MYOCD: variants seen among roughly 807,000 people sequenced by gnomAD.
The protein encoded by MYOCD is myocardin.
In MYOCD, 32 loss-of-function variants were observed where a neutral mutation model predicts 96.1. The ratio of observed to expected loss-of-function variants is 0.33; its 90% CI spans 0.25 to 0.45. The LOEUF (loss-of-function observed/expected upper bound fraction) is 0.45. Ranked by LOEUF, MYOCD falls within the 20% of genes least tolerant of loss-of-function variation. MYOCD has a pLI of 1.00. For synonymous variants in MYOCD, 469 were observed against 469.0 expected, an observed-to-expected ratio of 1.00 and a Z score of 0.00; for missense variants, 1,133 against 1,200.6, an observed-to-expected ratio of 0.94 and a Z score of 0.83.
In MYOCD at chr17:12,705,501, A is replaced by G. The variant is rs1597760260; in HGVS notation, c.121+308A>G. 1.3e-5 allele frequency: 3 copies of G among 231,542 alleles called. No individual in the cohort carries two copies. In the East Asian group the frequency reaches 2.6e-4, roughly 20 times the overall value. 14.3% of individuals were successfully genotyped at this position (231,542 alleles called of 1,614,324 possible). A position where few individuals can be genotyped will look rare whatever the true frequency, so the allele number is the denominator to read the frequency against. On this transcript the variant is annotated intron_variant, in intron 2 of 13. Coordinates refer to ENST00000425538, the MANE Select transcript of MYOCD (RefSeq NM_001146312.3). ...CTACTTTTAAAATTGGATATAATTAATATTCTTTCCAGAAGCATCAATTAC... is the reference window on the plus strand; with the variant it reads ...CTACTTTTAAAATTGGATATAATTAGTATTCTTTCCAGAAGCATCAATTAC...
chr17:12,714,323 G>GCACACACACACACACACA (rs4054959), intron 2 of MYOCD, among the ~76,000 whole-genome samples: 2,212 of 136,072 alleles, frequency 0.016, 39 homozygotes, highest in East Asian at 0.028. Flanking sequence ...TGAGGCACGT[G>GCACACACACACACACACA]CACACACACA....
Position 12,763,908 on chromosome 17 carries a change from T to C in MYOCD, c.*264T>C, listed in dbSNP as rs1235128972. 6.0e-6 allele frequency: 2 copies of C among 334,284 alleles called. No individual in the cohort carries two copies. The highest frequency in any genetic ancestry group is 5.3e-5 in the East Asian group (1 of 18,758). The allele number at this position is 334,284 out of a possible 1,614,324, so 20.7% of individuals were successfully genotyped here. On this transcript the variant is annotated 3_prime_UTR_variant, in exon 14 of 14. Coordinates refer to ENST00000425538, the MANE Select transcript of MYOCD (RefSeq NM_001146312.3). ...CAGATTAAGGATGCCAAAAAAGATA[T>C]TTCACTGCCTTTTCAAAGACCAGTA...
rs2032902505 is a variant in MYOCD, at chr17:12,753,019, C to T, written c.1731C>T (p.Ser577=). 2 of 1,614,188 alleles carry T rather than the reference C, an allele frequency of 1.2e-6. No homozygotes were observed. The highest frequency in any genetic ancestry group is 1.7e-6 in the Non-Finnish European group (2 of 1,180,036). ...AASIKQEEAV[S]SCPFASQVPV... is the part of the protein sequence containing the mutation. The stretch of plus-strand genomic sequence containing the variant: ...CCATCAAGCAGGAAGAGGCTGTCTC[C>T]AGCTGTCCTTTTGCATCCCAAGTAC... Residue 577 remains serine, a synonymous_variant, in exon 10 of 14, where the codon TCC becomes TCT. Transcript: ENST00000425538.
intron 9 of MYOCD, among the ~76,000 whole-genome samples, chr17:12,747,588 A>G (rs2032704545): frequency 6.6e-6 from 1 of 152,170 alleles, no homozygotes; most frequent in East Asian, 1.9e-4. Context: ...TGAGATTGAC[A>G]AAGAACAAAA....
rs199684025 is a variant in MYOCD at position 12,752,821 on chromosome 17, T to A, written c.1533T>A (p.Asp511Glu). Residue 511 changes from aspartate (D) to glutamate (E), a missense_variant, in exon 10 of 14, where the codon GAT becomes GAA. Asp to Glu is a conservative substitution (Grantham distance 45, BLOSUM62 2). Transcript: ENST00000425538. ...LNGGSVPSEL[D>E]GLDSEKDKML... is the part of the protein sequence containing the mutation. ...GGGGCTCTGTTCCTTCTGAGCTGGA[T>A]GGGCTGGACTCCGAGAAGGACAAGA... 1.9e-6 allele frequency: 3 copies of A among 1,613,982 alleles called. No homozygotes were observed. The highest frequency in any genetic ancestry group is 4.5e-5 in the East Asian group (2 of 44,856).
At chr17:12,754,527 G>A (rs12452239) in intron 10 of MYOCD, among the ~76,000 whole-genome samples, 93,273 of 152,112 alleles carry the variant, frequency 0.61, 31,303 homozygotes, top group Non-Finnish European at 0.74. Flanking sequence ...GCACTTGCAG[G>A]GGCCCTGAGG....
At chr17:12,679,299 T>C (rs1910304382) in intron 1 of MYOCD, among the ~76,000 whole-genome samples, 1 of 152,056 alleles carries the variant, frequency 6.6e-6, no homozygotes, top group African/African-American at 2.4e-5. Context: ...ATTCAGCAAA[T>C]GTAACTCAGG....
intron 1 of MYOCD, among the ~76,000 whole-genome samples, chr17:12,675,488 G>A (rs1160356869): frequency 3.9e-5 from 6 of 152,182 alleles, no homozygotes; most frequent in African/African-American, 1.2e-4. Flanking sequence ...GATGTGAAAA[G>A]ATCTCCAAAA....
intron 9 of MYOCD, among the ~76,000 whole-genome samples, 197 bp downstream of exon 9, chr17:12,746,269 A>T (rs1309810024): frequency 3.9e-5 from 6 of 152,192 alleles, no homozygotes; most frequent in African/African-American, 1.2e-4. Flanking sequence ...ATGCAGCCGT[A>T]ACAGGATACT....
intron 1 of MYOCD, among the ~76,000 whole-genome samples, chr17:12,674,056 C>T (rs1909870426): frequency 2.0e-5 from 3 of 152,188 alleles, no homozygotes; most frequent in Admixed American, 2.0e-4. Context: ...CTAGGAGTTA[C>T]TGAACCTATT....
At chr17:12,734,988 CT>C (rs769970447) in intron 5 of MYOCD, among the ~76,000 whole-genome samples, 4 of 152,224 alleles carry the variant, frequency 2.6e-5, no homozygotes, top group Non-Finnish European at 4.4e-5. Flanking sequence ...CTGCCCTGTC[CT>C]TGCACGGCCT....
rs757594809 is a variant in MYOCD at position 12,736,300 on chromosome 17, A to C, written c.555A>C (p.Ser185=). ...SAGSPPDAKA[S]DTPSTGSLGT... ...GATCCCCGCCAGACGCTAAAGCCTC[A>C]GATACCCCTTCGACAGGTTCTCTGG... is the stretch of plus-strand genomic sequence containing the variant. The change falls in exon 6 of 14, where the codon TCA becomes TCC. Residue 185 remains serine (S), a synonymous_variant. Coordinates refer to ENST00000425538, the MANE Select transcript of MYOCD (RefSeq NM_001146312.3). 2 of 1,614,238 alleles carry C rather than the reference A, an allele frequency of 1.2e-6. No individual in the cohort carries two copies. The highest frequency in any genetic ancestry group is 4.5e-5 in the East Asian group (2 of 44,880).
chr17:12,678,113 G>A (rs755742677), intron 1 of MYOCD, among the ~76,000 whole-genome samples: 1 of 151,402 alleles, frequency 6.6e-6, no homozygotes. Context: ...GGATGGTCTC[G>A]ATCTCCTGAC....
At chr17:12,700,288 G>A (rs1006359136) in intron 1 of MYOCD, among the ~76,000 whole-genome samples, 8 of 150,318 alleles carry the variant, frequency 5.3e-5, no homozygotes, top group Admixed American at 3.3e-4. Flanking sequence ...TAATATTTTC[G>A]TCTTTTGTTT....
intron 1 of MYOCD, among the ~76,000 whole-genome samples, chr17:12,700,569 A>G (rs1185837771): frequency 1.3e-5 from 2 of 150,444 alleles, no homozygotes; most frequent in Non-Finnish European, 3.0e-5. Flanking sequence ...ACCCCCCACC[A>G]CACCCAGCTA....
intron 1 of MYOCD, among the ~76,000 whole-genome samples, chr17:12,694,881 C>CAAAAAAAAAAAAAAA (rs201215491): frequency 1.3e-4 from 9 of 69,644 alleles, no homozygotes; most frequent in Non-Finnish European, 2.0e-4. Context: ...AAGGAATAAC[C>CAAAAAAAAAAAAAAA]AAAAAAAAAA....
chr17:12,712,010 G>A (rs900018387), intron 2 of MYOCD, among the ~76,000 whole-genome samples: 16 of 149,058 alleles, frequency 1.1e-4, no homozygotes, highest in Non-Finnish European at 7.4e-5. Flanking sequence ...TGCAACCTCT[G>A]CCGCCTGGGT....
At chr17:12,722,256 C>G (rs2031860565) in intron 4 of MYOCD, among the ~76,000 whole-genome samples, 1 of 152,198 alleles carries the variant, frequency 6.6e-6, no homozygotes, top group African/African-American at 2.4e-5. Flanking sequence ...ATTTAAGGCT[C>G]TGTACGTGAC....
intron 2 of MYOCD, among the ~76,000 whole-genome samples, chr17:12,709,514 A>G (rs1020706914): frequency 2.6e-5 from 4 of 152,228 alleles, no homozygotes; most frequent in African/African-American, 9.6e-5. Flanking sequence ...TGCATTTACA[A>G]TGGCAGTTGT....
Sources: gnomAD v4.1 joint callset for allele counts (sites outside exome capture counted in the v4.1 genomes callset) on GRCh38, gnomAD v4.1.1 for gene constraint, MANE v1.5 for transcripts, NCBI Gene and HGNC (gene_info 2026-07-23, HGNC 2026-07-21) for gene names.